LRBA: variants seen among roughly 807,000 people sequenced by gnomAD.
LRBA encodes lipopolysaccharide-responsive and beige-like anchor protein.
A neutral mutation model predicts 330.0 loss-of-function variants in LRBA; 176 were observed. The ratio of observed to expected loss-of-function variants is 0.53; its 90% CI spans 0.47 to 0.60. The LOEUF (loss-of-function observed/expected upper bound fraction) is 0.60, where lower values mean the gene tolerates loss of function less well. LRBA is among the 20% of genes least tolerant of loss of function. The probability of loss-of-function intolerance (pLI) is 0.00; values close to 1 mark genes in which losing one functional copy is unlikely to be tolerated. For synonymous variants in LRBA, 1,230 were observed against 1,193.0 expected, an observed-to-expected ratio of 1.03 and a Z score of -0.64; for missense variants, 3,259 against 3,444.8, an observed-to-expected ratio of 0.95 and a Z score of 1.35.
intron 42 of LRBA, among the ~76,000 whole-genome samples, chr4:150,477,378 C>T (rs745794665): frequency 3.9e-5 from 6 of 152,016 alleles, no homozygotes; most frequent in Non-Finnish European, 8.8e-5. Context: ...TTCCACATGG[C>T]TGGAGAGGCC....
intron 43 of LRBA, among the ~76,000 whole-genome samples, chr4:150,470,876 C>CCA (rs3060027): frequency 0.34 from 48,267 of 143,484 alleles, 9,489 homozygotes; most frequent in Admixed American, 0.43. Context: ...CACACACACA[C>CCA]CACACACTAA....
chr4:150,443,853 A>AAATATATATATATATATAT (rs70941406), intron 44 of LRBA, among the ~76,000 whole-genome samples: 6 of 75,480 alleles, frequency 7.9e-5, no homozygotes, highest in Non-Finnish European at 1.2e-4. Context: ...TAATTAAAAA[A>AAATATATATATATATATAT]ATATATATAT....
At chr4:150,838,019 G>T (rs558193497) in intron 28 of LRBA, among the ~76,000 whole-genome samples, 2 of 152,120 alleles carry the variant, frequency 1.3e-5, no homozygotes, top group Non-Finnish European at 2.9e-5. Context: ...TTACTTGTCT[G>T]TAAAGGATTT....
intron 37 of LRBA, among the ~76,000 whole-genome samples, chr4:150,611,043 A>G (rs1385756598): frequency 6.6e-6 from 1 of 152,192 alleles, no homozygotes. Flanking sequence ...TCAGTCTTCA[A>G]AATGATAGGA....
chr4:150,835,103 T>A (rs1466181113), intron 28 of LRBA, among the ~76,000 whole-genome samples: 2 of 152,178 alleles, frequency 1.3e-5, no homozygotes, highest in African/African-American at 4.8e-5. Flanking sequence ...TTGTCGAAGA[T>A]CAGATAGTTG....
intron 37 of LRBA, among the ~76,000 whole-genome samples, chr4:150,614,859 C>G (rs1253335297): frequency 6.6e-6 from 1 of 152,178 alleles, no homozygotes; most frequent in Non-Finnish European, 1.5e-5. Flanking sequence ...CCCAGCAAAA[C>G]TTTAAACTAT....
chr4:150,807,537 C>T (rs918003650), intron 32 of LRBA, among the ~76,000 whole-genome samples: 6 of 152,170 alleles, frequency 3.9e-5, no homozygotes, highest in African/African-American at 1.4e-4. Context: ...AACTCTGAAA[C>T]CCAATTAAAC....
At chr4:150,419,494 G>A (rs1173882029) in intron 46 of LRBA, among the ~76,000 whole-genome samples, 2 of 152,006 alleles carry the variant, frequency 1.3e-5, no homozygotes, top group Non-Finnish European at 1.5e-5. Flanking sequence ...TAATAACTAT[G>A]AAGGAATTTT....
intron 22 of LRBA, among the ~76,000 whole-genome samples, chr4:150,863,258 A>G (rs141762215): frequency 6.6e-6 from 1 of 152,236 alleles, no homozygotes; most frequent in East Asian, 1.9e-4. Flanking sequence ...TGAGCACACC[A>G]CTACACTTCA....
intron 48 of LRBA, among the ~76,000 whole-genome samples, chr4:150,339,337 C>T: frequency 6.6e-6 from 1 of 152,126 alleles, no homozygotes; most frequent in East Asian, 1.9e-4. Context: ...ACGGTCAGTA[C>T]CCTAACAACA....
chr4:150,464,368 G>C (rs542340023), intron 44 of LRBA, among the ~76,000 whole-genome samples: 1 of 152,120 alleles, frequency 6.6e-6, no homozygotes, highest in Non-Finnish European at 1.5e-5. Flanking sequence ...CATAGAGAGA[G>C]AGTAGGGTAT....
chr4:150,784,593 A>G (rs952792130), intron 34 of LRBA, among the ~76,000 whole-genome samples: 5 of 152,258 alleles, frequency 3.3e-5, no homozygotes, highest in Admixed American at 3.3e-4. Context: ...CCCTATGCAA[A>G]TCAGACACCA....
intron 2 of LRBA, among the ~76,000 whole-genome samples, chr4:151,006,874 T>G (rs1178779835): frequency 6.6e-6 from 1 of 152,170 alleles, no homozygotes; most frequent in Non-Finnish European, 1.5e-5. Flanking sequence ...TCATTAATAT[T>G]AATATATAAC....
At chr4:150,671,016 G>GTA (rs1782006270) in intron 37 of LRBA, among the ~76,000 whole-genome samples, 1 of 147,094 alleles carries the variant, frequency 6.8e-6, no homozygotes, top group Admixed American at 6.8e-5. Context: ...GTGTGTGTGT[G>GTA]TGTGTGTGTG....
At chr4:150,688,474 A>G (rs889566265) in intron 36 of LRBA, among the ~76,000 whole-genome samples, 4 of 152,228 alleles carry the variant, frequency 2.6e-5, no homozygotes, top group Admixed American at 6.5e-5. Context: ...TAAACTAAAG[A>G]GCTCCTACAC....
intron 40 of LRBA, among the ~76,000 whole-genome samples, chr4:150,568,217 G>A (rs1332942501): frequency 6.6e-6 from 1 of 152,044 alleles, no homozygotes; most frequent in Non-Finnish European, 1.5e-5. Flanking sequence ...TCTCTGTGTG[G>A]CATCCAATGA....
At chr4:150,549,653 T>C (rs183869116) in intron 40 of LRBA, among the ~76,000 whole-genome samples, 3 of 152,302 alleles carry the variant, frequency 2.0e-5, no homozygotes, top group Admixed American at 2.0e-4. Flanking sequence ...TTTACCTATT[T>C]ATAAAGTATT....
At chr4:150,288,240 A>C (rs111563348) in intron 53 of LRBA, among the ~76,000 whole-genome samples, 1 of 151,792 alleles carries the variant, frequency 6.6e-6, no homozygotes, top group African/African-American at 2.4e-5. Context: ...CGGCCTCCCA[A>C]AGTGCTGGGA....
At chr4:150,435,757 A>T (rs1160467980) in intron 45 of LRBA, 49 bp from the exon 46 acceptor site, 1 of 1,514,254 alleles carries the variant, frequency 6.6e-7, no homozygotes, top group East Asian at 2.3e-5. Flanking sequence ...AGGCATAAAA[A>T]TGTGGTTTTT....
Sources: allele counts gnomAD v4.1 joint callset (sites outside exome capture counted in the v4.1 genomes callset), GRCh38; gene constraint gnomAD v4.1.1; transcripts MANE v1.5; gene names NCBI Gene and HGNC (gene_info 2026-07-23, HGNC 2026-07-21).